Variants in EFR3B observed in about 807,000 individuals in gnomAD.
EFR3B encodes protein EFR3 homolog B.
Under a neutral mutation model 104.7 loss-of-function variants are expected in EFR3B, and 64 were observed. That is an observed-to-expected ratio of 0.61 (90% confidence interval 0.50 to 0.75). EFR3B has a LOEUF of 0.75. Among genes scored for constraint, EFR3B ranks in the 30% least tolerant of loss-of-function variants. The pLI is 0.00. For missense variants in EFR3B, 750 were observed against 1,078.5 expected (o/e 0.70, Z 4.27); for synonymous variants, 385 against 417.9 (o/e 0.92, Z 0.96).
At chr2:25,111,711 G>A (rs949915875) in intron 4 of EFR3B, among the ~76,000 whole-genome samples, 4 of 152,182 alleles carry the variant, frequency 2.6e-5, no homozygotes, top group Non-Finnish European at 4.4e-5. Flanking sequence ...GATCAGAGTC[G>A]GACAGAAGGG....
At chr2:25,135,348 G>C (rs897744203) in intron 12 of EFR3B, 119 bp from the exon 13 acceptor site, 1 of 1,204,258 alleles carries the variant, frequency 8.3e-7, no homozygotes, top group Non-Finnish European at 1.2e-6. Context: ...GGCTGGATTG[G>C]GCGATGTCTA....
rs1351305974 is a variant in EFR3B, at chr2:25,139,851, A to G, written c.1854+661A>G. Among the ~76,000 whole-genome samples the G allele has an allele frequency of 7.2e-5, 11 of 152,178 alleles. No homozygotes were observed. In the East Asian group the frequency reaches 2.1e-3, roughly 29 times the overall value. On this transcript the variant is annotated intron_variant, in intron 16 of 22. Transcript: ENST00000403714. ...TGAAACAGCATGAACACCTCCCTAC[A>G]TGACTGCCATGCTCTTAACACAGCT...
intron 1 of EFR3B, among the ~76,000 whole-genome samples, chr2:25,073,030 C>T (rs927289809): frequency 1.3e-5 from 2 of 152,178 alleles, no homozygotes; most frequent in Admixed American, 1.3e-4. Context: ...ATATGTCAAA[C>T]AATATGGAAA....
rs1412634088 is a variant in EFR3B at position 25,130,196 on chromosome 2, A to G, written c.770+87A>G. 6 of 1,530,120 alleles carry G rather than the reference A, an allele frequency of 3.9e-6. No individual in the cohort carries two copies. The highest frequency in any genetic ancestry group is 2.0e-5 in the Admixed American group (1 of 50,458). The allele number at this position is 1,530,120 out of a possible 1,614,324, so 94.8% of individuals were successfully genotyped here. A position where few individuals can be genotyped will look rare whatever the true frequency, so the allele number is the denominator to read the frequency against. ...GGCATCTCCTGGCTGGCTGGGGGGA[A>G]GGGGATATTACAGTTGTGGTGCCGC... On this transcript the variant is annotated intron_variant, in intron 7 of 22. Transcript: ENST00000403714. The surrounding 1 kb of genome is among the most constrained non-coding windows in gnomAD (Gnocchi z 4.6).
Position 25,137,357 on chromosome 2 carries a change from A to G in EFR3B, c.1577A>G (p.Tyr526Cys), listed in dbSNP as rs902324075. ...TGTCCCCAGCACTCCCAGCAGCTCT[A>G]CAGACACATCTACCTGAGCTGCAAG... is the stretch of plus-strand genomic sequence containing the variant. ...VFMKKHSQQL[Y>C]RHIYLSCKEE... The change falls in exon 15 of 23, where the codon TAC becomes TGC. Residue 526 changes from tyrosine to cysteine, a missense_variant. By Grantham distance (194) the Tyr-to-Cys change is radical (BLOSUM62 -2). Coordinates refer to ENST00000403714, the MANE Select transcript of EFR3B (RefSeq NM_014971.2). The surrounding 1 kb of genome is among the most constrained non-coding windows in gnomAD (Gnocchi z 4.7). 3.9e-6 allele frequency: 6 copies of G among 1,551,988 alleles called. No individual in the cohort carries two copies. Among genetic ancestry groups the G allele is most frequent in the Non-Finnish European group, 5.2e-6 (6 of 1,147,112 alleles).
At chr2:25,050,765 G>T (rs901045671) in intron 1 of EFR3B, among the ~76,000 whole-genome samples, 3 of 152,196 alleles carry the variant, frequency 2.0e-5, no homozygotes, top group Non-Finnish European at 4.4e-5. Flanking sequence ...CCACAATTAA[G>T]AGGGGGAAAG....
Position 25,154,312 on chromosome 2 carries a change from T to TG in EFR3B, c.2427dup (p.Lys810GlufsTer39). 6.4e-7 allele frequency: 1 copy of TG among 1,552,110 alleles called. No individual in the cohort carries two copies. The highest frequency in any genetic ancestry group is 8.7e-7 in the Non-Finnish European group (1 of 1,147,098). On this transcript the variant is annotated frameshift_variant, in exon 23 of 23. Transcript: ENST00000403714. LOFTEE classifies it high-confidence loss of function. This position sits in a 1 kb window ranked among gnomAD's most constrained non-coding sequence, Gnocchi z 4.1. The stretch of plus-strand genomic sequence containing the variant: ...AACCACTCCATCCCCGTCTATGAAA[T>TG]GAAGTTTCCCGATCTGTGTGTATAC...
In EFR3B at chr2:25,154,141, G is replaced by T. The variant is rs549031593; in HGVS notation, c.2349-94G>T. The T allele has an allele frequency of 8.5e-7, 1 of 1,175,316 alleles. No individual in the cohort carries two copies. The highest frequency in any genetic ancestry group is 1.5e-5 in the African/African-American group (1 of 64,542). The allele number at this position is 1,175,316 out of a possible 1,614,324, so 72.8% of individuals were successfully genotyped here. A position where few individuals can be genotyped will look rare whatever the true frequency, so the allele number is the denominator to read the frequency against. The stretch of plus-strand genomic sequence containing the variant: ...GGGGTCTCTGGTGCCTGTGCAAAAA[G>T]AAACCCAAGTCACCTACTCTGTTTG... On this transcript the variant is annotated intron_variant, in intron 22 of 22. Transcript: ENST00000403714. The surrounding 1 kb of genome is among the most constrained non-coding windows in gnomAD (Gnocchi z 4.1).
intron 12 of EFR3B, among the ~76,000 whole-genome samples, chr2:25,133,775 T>TC (rs1670447021): frequency 6.6e-6 from 1 of 152,162 alleles, no homozygotes; most frequent in Admixed American, 6.6e-5. Flanking sequence ...CTTTCCCTTT[T>TC]CCCCTCTGTG....
rs528718254 is a variant in EFR3B, at chr2:25,053,465, G to T, written c.7+11146G>T. Among the ~76,000 whole-genome samples, 3 of 152,322 alleles carry T rather than the reference G, an allele frequency of 2.0e-5. No individual in the cohort carries two copies. In the East Asian group the frequency reaches 5.8e-4, roughly 29 times the overall value. On this transcript the variant is annotated intron_variant, in intron 1 of 22. Transcript: ENST00000403714. Reference sequence around the variant, plus strand: ...TGCAGAGTGGGGTGTCACCACCAAGGCTGGGCCACACACACACCTGGATGG... The same window carrying T: ...TGCAGAGTGGGGTGTCACCACCAAGTCTGGGCCACACACACACCTGGATGG...
At chr2:25,080,283 C>CT (rs563438610) in intron 1 of EFR3B, 15,161 of 154,394 alleles carry the variant, frequency 0.098, 3,115 homozygotes, top group African/African-American at 0.21. Flanking sequence ...CTCCCCAAAG[C>CT]TTTTTTTTTT....
chr2:25,150,033 G>C (rs1388827438), intron 20 of EFR3B, among the ~76,000 whole-genome samples: 1 of 152,220 alleles, frequency 6.6e-6, no homozygotes, highest in African/African-American at 2.4e-5. Flanking sequence ...CAGGCATGGT[G>C]GCTCACGCCT....
At chr2:25,123,290 G>A (rs1670070795) in intron 5 of EFR3B, among the ~76,000 whole-genome samples, 2 of 151,652 alleles carry the variant, frequency 1.3e-5, no homozygotes, top group Non-Finnish European at 1.5e-5. Context: ...AGCCTGGGAG[G>A]TCGAGGCTGC....
In EFR3B at chr2:25,042,630, T is replaced by A; in HGVS notation, c.7+311T>A. The A allele has an allele frequency of 8.7e-7, 1 of 1,149,938 alleles. No individual in the cohort carries two copies. The highest frequency in any genetic ancestry group is 1.1e-6 in the Non-Finnish European group (1 of 936,436). 71.2% of individuals were successfully genotyped at this position (1,149,938 alleles called of 1,614,324 possible). A position where few individuals can be genotyped will look rare whatever the true frequency, so the allele number is the denominator to read the frequency against. On this transcript the variant is annotated intron_variant, in intron 1 of 22. Coordinates refer to ENST00000403714, the MANE Select transcript of EFR3B (RefSeq NM_014971.2). This position sits in a 1 kb window ranked among gnomAD's most constrained non-coding sequence, Gnocchi z 5.4. ...AGCAGACCGGGAGTGCTGGAGGAGGTGGTCGTGTGGCAGCATTTGCGGAAT... is the reference window on the plus strand; with the variant it reads ...AGCAGACCGGGAGTGCTGGAGGAGGAGGTCGTGTGGCAGCATTTGCGGAAT...
intron 1 of EFR3B, among the ~76,000 whole-genome samples, chr2:25,084,340 G>A (rs943355026): frequency 1.3e-5 from 2 of 152,100 alleles, no homozygotes; most frequent in South Asian, 2.1e-4. Context: ...AGATTCAAGC[G>A]ATTCTTGTGC....
At chr2:25,070,028 G>T (rs1395914015) in intron 1 of EFR3B, among the ~76,000 whole-genome samples, 1 of 152,172 alleles carries the variant, frequency 6.6e-6, no homozygotes, top group Non-Finnish European at 1.5e-5. Context: ...TCAGGTCATT[G>T]ATTATTCATC....
intron 16 of EFR3B, among the ~76,000 whole-genome samples, chr2:25,140,099 G>A (rs1400408242): frequency 6.6e-6 from 1 of 152,180 alleles, no homozygotes; most frequent in Non-Finnish European, 1.5e-5. Context: ...GATCACTTGA[G>A]ATCAGGAGTT....
chr2:25,132,758 C>T (rs755268947), intron 10 of EFR3B, 145 bp from the exon 11 acceptor site: 18 of 675,236 alleles, frequency 2.7e-5, no homozygotes, highest in Non-Finnish European at 3.8e-5. Context: ...GGCCGAATCA[C>T]ACCCGGGCTA....
chr2:25,069,169 A>G (rs997763776), intron 1 of EFR3B, among the ~76,000 whole-genome samples: 10 of 152,102 alleles, frequency 6.6e-5, no homozygotes, highest in African/African-American at 2.4e-4. Context: ...CGGCCTCCCA[A>G]AGTGTTGGGA....
Sources: gnomAD v4.1 joint callset for allele counts (sites outside exome capture counted in the v4.1 genomes callset) on GRCh38, gnomAD v4.1.1 for gene constraint, Gnocchi (gnomAD v3.1) non-coding constraint, MANE v1.5 for transcripts, NCBI Gene and HGNC (gene_info 2026-07-23, HGNC 2026-07-21) for gene names.